ARB2A: variants seen among roughly 807,000 people sequenced by gnomAD.
The protein encoded by ARB2A is ARB2 cotranscriptional regulator A.
the ARB2A span, among the ~76,000 whole-genome samples, chr5:93,657,021 CTGT>C: frequency 6.6e-6 from 1 of 152,206 alleles, no homozygotes; most frequent in Non-Finnish European, 1.5e-5. Flanking sequence ...AGATGAGCCT[CTGT>C]AAAAAGTGCG....
chr5:93,990,620 T>TAAAAAAA, the ARB2A span, among the ~76,000 whole-genome samples: 5 of 75,240 alleles, frequency 6.6e-5, 1 homozygote, highest in African/African-American at 2.9e-4. Context: ...CTACCATGAG[T>TAAAAAAA]AAAAAAAAAA....
the ARB2A span, chr5:94,053,110 T>C: frequency 7.1e-7 from 1 of 1,416,378 alleles, no homozygotes; most frequent in Non-Finnish European, 9.8e-7. Flanking sequence ...GATAGATAGA[T>C]AGATAACCCA....
chr5:93,991,374 T>C, the ARB2A span, among the ~76,000 whole-genome samples: 5 of 152,080 alleles, frequency 3.3e-5, no homozygotes, highest in African/African-American at 1.2e-4. Flanking sequence ...ACATAATATT[T>C]ACAATGACCA....
the ARB2A span, among the ~76,000 whole-genome samples, chr5:93,807,370 T>G: frequency 6.6e-6 from 1 of 151,996 alleles, no homozygotes; most frequent in African/African-American, 2.4e-5. Context: ...GTACGAAATA[T>G]ATTTCACCTA....
At chr5:94,014,061 A>G in the ARB2A span, among the ~76,000 whole-genome samples, 1 of 152,332 alleles carries the variant, frequency 6.6e-6, no homozygotes, top group South Asian at 2.1e-4. Flanking sequence ...AAGAAGCATC[A>G]TGAGTGCCAA....
At chr5:93,656,735 C>T in the ARB2A span, among the ~76,000 whole-genome samples, 37 of 152,256 alleles carry the variant, frequency 2.4e-4, no homozygotes, top group Admixed American at 2.6e-4. Flanking sequence ...ACCAACACTA[C>T]CCACAGCACT....
At chr5:93,853,125 T>C in the ARB2A span, among the ~76,000 whole-genome samples, 2 of 152,132 alleles carry the variant, frequency 1.3e-5, no homozygotes, top group Non-Finnish European at 2.9e-5. Flanking sequence ...TATCCTCTTT[T>C]ATTTCATTGA....
the ARB2A span, among the ~76,000 whole-genome samples, chr5:94,036,502 C>T: frequency 6.6e-6 from 1 of 152,174 alleles, no homozygotes; most frequent in African/African-American, 2.4e-5. Context: ...TACACTCCCA[C>T]CAGCAAGATA....
the ARB2A span, among the ~76,000 whole-genome samples, chr5:93,720,739 G>C: frequency 3.9e-5 from 6 of 152,182 alleles, no homozygotes; most frequent in Non-Finnish European, 7.4e-5. Context: ...TTAACAGAGT[G>C]AGAAAACTAT....
chr5:94,016,108 T>C, the ARB2A span, among the ~76,000 whole-genome samples: 1 of 152,130 alleles, frequency 6.6e-6, no homozygotes, highest in African/African-American at 2.4e-5. Flanking sequence ...TCCATGCAAC[T>C]GTAAAGCAAA....
the ARB2A span, among the ~76,000 whole-genome samples, chr5:93,926,643 G>A: frequency 6.6e-6 from 1 of 151,950 alleles, no homozygotes; most frequent in African/African-American, 2.4e-5. Flanking sequence ...TATGGTGGAT[G>A]CGATAAAATG....
chr5:93,908,640 A>G, the ARB2A span, among the ~76,000 whole-genome samples: 1 of 150,978 alleles, frequency 6.6e-6, no homozygotes, highest in African/African-American at 2.4e-5. Context: ...CGTTAACTTT[A>G]CTACACTCTA....
the ARB2A span, among the ~76,000 whole-genome samples, chr5:93,743,913 G>T: frequency 6.6e-6 from 1 of 152,134 alleles, no homozygotes; most frequent in Non-Finnish European, 1.5e-5. Flanking sequence ...TGATCCGCCT[G>T]CCTCGGCCTC....
the ARB2A span, among the ~76,000 whole-genome samples, chr5:93,813,397 T>G: frequency 6.6e-6 from 1 of 152,114 alleles, no homozygotes; most frequent in Non-Finnish European, 1.5e-5. Context: ...CTTGATTGCT[T>G]ATAGTGAAAA....
At chr5:93,932,350 C>T in the ARB2A span, among the ~76,000 whole-genome samples, 7 of 152,094 alleles carry the variant, frequency 4.6e-5, no homozygotes, top group African/African-American at 9.7e-5. Context: ...GTTAGATAGA[C>T]GGAAAGCAAT....
chr5:94,044,874 T>A, the ARB2A span, among the ~76,000 whole-genome samples: 1 of 151,936 alleles, frequency 6.6e-6, no homozygotes, highest in African/African-American at 2.4e-5. Context: ...CATCAGGAAG[T>A]TACCCTACCA....
chr5:93,769,864 T>G, the ARB2A span, among the ~76,000 whole-genome samples: 1 of 152,168 alleles, frequency 6.6e-6, no homozygotes, highest in South Asian at 2.1e-4. Flanking sequence ...TAGGCCAAAT[T>G]TGTTAGAACA....
chr5:94,025,154 A>G, the ARB2A span, among the ~76,000 whole-genome samples: 133,987 of 152,226 alleles, frequency 0.88, 60,004 homozygotes, highest in East Asian at 1. Flanking sequence ...CTACATTGGA[A>G]TTAAGTTTCT....
At chr5:93,998,499 G>A in the ARB2A span, among the ~76,000 whole-genome samples, 1 of 151,754 alleles carries the variant, frequency 6.6e-6, no homozygotes, top group South Asian at 2.1e-4. Context: ...TACATTTCAT[G>A]CAAATTATAC....
Sources: allele counts gnomAD v4.1 joint callset (sites outside exome capture counted in the v4.1 genomes callset), GRCh38; gene constraint gnomAD v4.1.1; transcripts MANE v1.5; gene names NCBI Gene and HGNC (gene_info 2026-07-23, HGNC 2026-07-21).